Variants in ABLIM1 observed in about 807,000 individuals in gnomAD.
ABLIM1 encodes actin-binding LIM protein 1.
ABLIM1 carries 40 observed loss-of-function variants against 107.0 expected under a neutral mutation model. The observed-to-expected ratio is 0.37, with a 90% confidence interval of 0.29 to 0.49. The LOEUF (loss-of-function observed/expected upper bound fraction) is 0.49, where lower values mean the gene tolerates loss of function less well. Ranked by LOEUF, ABLIM1 falls within the 20% of genes least tolerant of loss-of-function variation. The pLI, the probability that ABLIM1 is intolerant of heterozygous loss-of-function variation, is 0.97. For missense variants in ABLIM1, 857 were observed against 1,008.5 expected (o/e 0.85, Z 2.04); for synonymous variants, 357 against 357.3 (o/e 1.00, Z 0.01).
chr10:114,715,510 T>C (rs1041823203), intron 1 of ABLIM1, among the ~76,000 whole-genome samples: 19 of 152,056 alleles, frequency 1.2e-4, no homozygotes, highest in Admixed American at 7.2e-4. Context: ...TAAAAATGCC[T>C]CCTCCCTGAT....
chr10:114,765,973 C>G lies in ABLIM1; in HGVS notation c.-213+2088G>C, dbSNP rs545330620. Among the ~76,000 whole-genome samples, 53 of 152,110 alleles carry G rather than the reference C, an allele frequency of 3.5e-4. 1 individual carries two copies. Among genetic ancestry groups the G allele is most frequent in the African/African-American group, 1.1e-3 (47 of 41,540 alleles). On this transcript the variant is annotated intron_variant, in intron 1 of 15. Transcript: ENST00000651092. ...ATGTCTAAGCCATTCTCTCTCTCTT[C>G]TTAGCAAATCAATGATTGTGATGTC...
chr10:114,694,451 G>T (rs969147075), intron 1 of ABLIM1, among the ~76,000 whole-genome samples: 1 of 152,140 alleles, frequency 6.6e-6, no homozygotes, highest in Non-Finnish European at 1.5e-5. Flanking sequence ...AGCTATCCCT[G>T]GGGATTCTCA....
At chr10:114,575,018 C>G (rs2072308809) in intron 3 of ABLIM1, among the ~76,000 whole-genome samples, 2 of 152,152 alleles carry the variant, frequency 1.3e-5, no homozygotes, top group African/African-American at 4.8e-5. Flanking sequence ...CCATGGGACA[C>G]AGTTTGCCAC....
At chr10:114,798,566 C>CCCA in the ABLIM1 span, among the ~76,000 whole-genome samples, 72 of 146,122 alleles carry the variant, frequency 4.9e-4, 1 homozygote, top group Non-Finnish European at 9.1e-4. Flanking sequence ...ACCCCCCCCC[C>CCCA]ATGTCTACAA....
At chr10:114,751,851 A>C (rs979696408) in intron 1 of ABLIM1, among the ~76,000 whole-genome samples, 2 of 152,200 alleles carry the variant, frequency 1.3e-5, no homozygotes, top group Admixed American at 1.3e-4. Context: ...CCTTTCACTA[A>C]CAAACTTTTC....
At chr10:114,460,821 A>G (rs907377443) in intron 12 of ABLIM1, among the ~76,000 whole-genome samples, 7 of 152,072 alleles carry the variant, frequency 4.6e-5, no homozygotes, top group Admixed American at 1.3e-4. Context: ...GGGCTTTTCA[A>G]CTCTCCACAT....
Position 114,571,405 on chromosome 10 carries a change from G to T in ABLIM1, c.565C>A (p.Arg189Ser). 1.2e-6 allele frequency: 2 copies of T among 1,613,914 alleles called. No individual in the cohort carries two copies. The highest frequency in any genetic ancestry group is 2.2e-5 in the East Asian group (1 of 44,870). Reference sequence around the variant, plus strand: ...ACTCGGTCTCCGGGTGGAAACGGGCGCCTGGAGGCAGAAAGACATCGCCCT... The same window carrying T: ...ACTCGGTCTCCGGGTGGAAACGGGCTCCTGGAGGCAGAAAGACATCGCCCT... ...PNCFACTICK[R>S]PFPPGDRVTF... The change falls in exon 4 of 23, where the codon CGC becomes AGC. Residue 189 changes from arginine to serine, a missense_variant and splice_region_variant. Physicochemically the swap from Arg to Ser is moderately radical, Grantham distance 110 (BLOSUM62 -1). Coordinates refer to ENST00000533213, the MANE Select transcript of ABLIM1 (RefSeq NM_002313.7).
intron 2 of ABLIM1, among the ~76,000 whole-genome samples, chr10:114,595,675 T>G (rs2075346926): frequency 6.6e-6 from 1 of 152,208 alleles, no homozygotes; most frequent in African/African-American, 2.4e-5. Flanking sequence ...GGATCTGCTT[T>G]TCATTTAATT....
chr10:114,634,218 C>T (rs1222079631), intron 1 of ABLIM1, among the ~76,000 whole-genome samples: 2 of 137,800 alleles, frequency 1.5e-5, no homozygotes, highest in South Asian at 2.5e-4. Context: ...CTGCAAGCTC[C>T]GCCTCCCGGG....
chr10:114,588,260 G>A (rs1015265458), intron 2 of ABLIM1, among the ~76,000 whole-genome samples: 9 of 152,130 alleles, frequency 5.9e-5, no homozygotes, highest in South Asian at 4.1e-4. Context: ...GTACCAGGAC[G>A]TTTCCCATCT....
chr10:114,565,281 C>T (rs2070496445), intron 4 of ABLIM1, among the ~76,000 whole-genome samples: 1 of 152,216 alleles, frequency 6.6e-6, no homozygotes, highest in Non-Finnish European at 1.5e-5. Context: ...TGCATTCCTG[C>T]CTTTGTCAGT....
chr10:114,590,810 G>T (rs1034492767), intron 2 of ABLIM1, among the ~76,000 whole-genome samples: 1 of 152,132 alleles, frequency 6.6e-6, no homozygotes, highest in African/African-American at 2.4e-5. Context: ...CACAGAGAAA[G>T]CCTACTCCAA....
upstream of ABLIM1, among the ~76,000 whole-genome samples, chr10:114,770,987 C>G (rs2083017375): frequency 6.6e-6 from 1 of 152,192 alleles, no homozygotes. Flanking sequence ...CGTGCCACCA[C>G]ACCTGGCTAA....
the ABLIM1 span, among the ~76,000 whole-genome samples, chr10:114,774,180 T>C: frequency 6.6e-6 from 1 of 152,140 alleles, no homozygotes; most frequent in African/African-American, 2.4e-5. Flanking sequence ...AAGTAATAAT[T>C]AGACTTGTCT....
chr10:114,727,805 G>A (rs1447087167), intron 1 of ABLIM1, among the ~76,000 whole-genome samples: 1 of 151,902 alleles, frequency 6.6e-6, no homozygotes, highest in African/African-American at 2.4e-5. Context: ...AAATACAAAA[G>A]TTAGCCAGGC....
chr10:114,481,276 C>T (rs2057327179), intron 8 of ABLIM1, among the ~76,000 whole-genome samples: 1 of 151,892 alleles, frequency 6.6e-6, no homozygotes, highest in Admixed American at 6.6e-5. Flanking sequence ...CACTTTGTAG[C>T]CCCTGCCCTC....
intron 1 of ABLIM1, chr10:114,767,964 G>A: frequency 5.2e-6 from 2 of 381,376 alleles, no homozygotes; most frequent in East Asian, 1.2e-4. Flanking sequence ...GTTTCAGGCC[G>A]GGCTGGGGCC....
intron 1 of ABLIM1, among the ~76,000 whole-genome samples, chr10:114,604,123 C>T (rs951312781): frequency 1.3e-5 from 2 of 152,132 alleles, no homozygotes; most frequent in Non-Finnish European, 2.9e-5. Flanking sequence ...ATTCTATCCT[C>T]ACCACCCCTC....
chr10:114,737,990 A>G (rs76393271), intron 1 of ABLIM1, among the ~76,000 whole-genome samples: 6,810 of 152,280 alleles, frequency 0.045, 220 homozygotes, highest in African/African-American at 0.081. Flanking sequence ...AAACCCATCA[A>G]ATTGTATGCT....
Sources: allele counts gnomAD v4.1 joint callset (sites outside exome capture counted in the v4.1 genomes callset), GRCh38; gene constraint gnomAD v4.1.1; transcripts MANE v1.5; gene names NCBI Gene and HGNC (gene_info 2026-07-23, HGNC 2026-07-21).